The following ERC2 variants were observed in gnomAD, a reference collection of about 807,000 sequenced individuals.
ERC2 encodes ELKS/RAB6-interacting/CAST family member 2.
Under a neutral mutation model 114.8 loss-of-function variants are expected in ERC2, and 42 were observed. That is an observed-to-expected ratio of 0.37 (90% CI 0.29 to 0.47). The LOEUF is 0.47. Ranked by LOEUF, ERC2 falls within the 20% of genes least tolerant of loss-of-function variation. The pLI is 0.99. For missense variants in ERC2, 939 were observed against 1,150.7 expected (o/e 0.82, Z 2.66); for synonymous variants, 454 against 425.5 (o/e 1.07, Z -0.82).
chr3:55,745,200 T>C (rs769713146), intron 14 of ERC2, among the ~76,000 whole-genome samples: 3 of 151,888 alleles, frequency 2.0e-5, no homozygotes, highest in Non-Finnish European at 4.4e-5. Context: ...CACAGAAGAG[T>C]TGCATCCCAG....
At chr3:56,181,082 T>C (rs1244233458) in intron 3 of ERC2, among the ~76,000 whole-genome samples, 2 of 152,234 alleles carry the variant, frequency 1.3e-5, no homozygotes, top group African/African-American at 2.4e-5. Flanking sequence ...AATATTTATG[T>C]TTTCAAACTT....
At chr3:56,308,959 C>T (rs867974187) in intron 2 of ERC2, among the ~76,000 whole-genome samples, 1 of 152,132 alleles carries the variant, frequency 6.6e-6, no homozygotes, top group East Asian at 1.9e-4. Context: ...ATGTGAAGGG[C>T]AGGTTCTCTG....
intron 15 of ERC2, among the ~76,000 whole-genome samples, chr3:55,715,289 A>G (rs1396311570): frequency 1.3e-5 from 2 of 152,150 alleles, no homozygotes; most frequent in Non-Finnish European, 2.9e-5. Flanking sequence ...CCTCGGCTGG[A>G]TCAAGTCACT....
chr3:56,374,160 G>T (rs371039527), intron 2 of ERC2, among the ~76,000 whole-genome samples: 1 of 152,164 alleles, frequency 6.6e-6, no homozygotes, highest in Admixed American at 6.5e-5. Context: ...GCAGAGGCGA[G>T]ATCTCAGCTC....
intron 17 of ERC2, chr3:55,606,942 C>T (rs1315583490): frequency 6.6e-6 from 1 of 152,408 alleles, no homozygotes; most frequent in African/African-American, 2.4e-5. Context: ...GCTGTGCCTA[C>T]GTGCCTCCGA....
intron 13 of ERC2, among the ~76,000 whole-genome samples, chr3:55,950,128 T>C (rs1196203768): frequency 1.3e-5 from 2 of 152,254 alleles, no homozygotes; most frequent in South Asian, 2.1e-4. Context: ...GACATTTCTA[T>C]GTTTTAAGTT....
intron 2 of ERC2, among the ~76,000 whole-genome samples, chr3:56,406,839 G>C (rs1477954807): frequency 6.6e-6 from 1 of 152,192 alleles, no homozygotes; most frequent in Non-Finnish European, 1.5e-5. Context: ...AGATTAATTA[G>C]AAGTCAGAAA....
At chr3:55,834,424 T>C (rs1229426439) in intron 14 of ERC2, among the ~76,000 whole-genome samples, 4 of 152,070 alleles carry the variant, frequency 2.6e-5, no homozygotes, top group Non-Finnish European at 4.4e-5. Flanking sequence ...CAGACCACAG[T>C]GCAATCAAAC....
chr3:55,510,615 T>A lies in ERC2; in HGVS notation c.*701A>T, dbSNP rs2052010040. On this transcript the variant is annotated 3_prime_UTR_variant, in exon 18 of 18. Transcript: ENST00000288221. ...AAGCATTAGTGGTTTAAAAAATTGATTTCTTTTCCAACCTGGCCCAGAGGT... is the reference window on the plus strand; with the variant it reads ...AAGCATTAGTGGTTTAAAAAATTGAATTCTTTTCCAACCTGGCCCAGAGGT... 1 of 152,644 alleles carries A rather than the reference T, an allele frequency of 6.6e-6. No individual in the cohort carries two copies. The highest frequency in any genetic ancestry group is 1.5e-5 in the Non-Finnish European group (1 of 68,046). 9.5% of individuals were successfully genotyped at this position (152,644 alleles called of 1,614,324 possible).
rs1416077188 is a variant in ERC2 at position 56,088,234 on chromosome 3, C to T, written c.1474-7250G>A. On this transcript the variant is annotated intron_variant, in intron 6 of 17. Coordinates refer to ENST00000288221, the MANE Select transcript of ERC2 (RefSeq NM_015576.3). ...GTGAGAAACAGGTTCTCCCCCAAGT[C>T]CTCAATCCTTAAAACGGGTTGGACT... Among the ~76,000 whole-genome samples the T allele has an allele frequency of 1.3e-5, 2 of 152,240 alleles. 1 individual carries two copies. The highest frequency in any genetic ancestry group is 3.9e-4 in the East Asian group (2 of 5,184).
At chr3:55,815,185 A>C (rs1255236171) in intron 14 of ERC2, among the ~76,000 whole-genome samples, 2 of 150,490 alleles carry the variant, frequency 1.3e-5, no homozygotes, top group Admixed American at 1.3e-4. Flanking sequence ...CAAATATACC[A>C]AAGATGCCCA....
chr3:56,059,107 T>A (rs1276137349), intron 7 of ERC2, among the ~76,000 whole-genome samples: 1 of 151,926 alleles, frequency 6.6e-6, no homozygotes, highest in Non-Finnish European at 1.5e-5. Flanking sequence ...ATTTTTTTTT[T>A]TGGAAATGGA....
chr3:55,838,472 G>T (rs776597747), intron 14 of ERC2, among the ~76,000 whole-genome samples: 2 of 151,838 alleles, frequency 1.3e-5, no homozygotes, highest in Non-Finnish European at 1.5e-5. Flanking sequence ...GGCTAAAAAG[G>T]AAGTCACAAG....
intron 2 of ERC2, among the ~76,000 whole-genome samples, chr3:56,342,150 C>G (rs1423693075): frequency 6.6e-6 from 1 of 152,252 alleles, no homozygotes; most frequent in Non-Finnish European, 1.5e-5. Context: ...CAGTCTGAGG[C>G]TGGGAGTAAC....
intron 13 of ERC2, among the ~76,000 whole-genome samples, chr3:55,891,044 C>CA (rs2063573523): frequency 6.6e-6 from 1 of 152,192 alleles, no homozygotes; most frequent in Admixed American, 6.5e-5. Flanking sequence ...CCTTAGAAAG[C>CA]AAAAAATATC....
At chr3:55,702,528 G>A in intron 15 of ERC2, among the ~76,000 whole-genome samples, 1 of 150,578 alleles carries the variant, frequency 6.6e-6, no homozygotes, top group East Asian at 1.9e-4. Flanking sequence ...ATTTAAAATG[G>A]ATCTCTTTTA....
chr3:56,074,416 A>G (rs1411130070), intron 7 of ERC2, among the ~76,000 whole-genome samples: 5 of 152,180 alleles, frequency 3.3e-5, no homozygotes, highest in South Asian at 2.1e-4. Context: ...TTATTATAAA[A>G]ATAATTATTT....
In ERC2 at chr3:55,846,401, T is replaced by C. The variant is rs185866964; in HGVS notation, c.2564+41988A>G. 5.6e-3 allele frequency among the ~76,000 whole-genome samples: 849 copies of C among 152,346 alleles called. 9 individuals carry two copies. The highest frequency in any genetic ancestry group is 0.02 in the African/African-American group (813 of 41,574). On this transcript the variant is annotated intron_variant, in intron 14 of 17. Coordinates refer to ENST00000288221, the MANE Select transcript of ERC2 (RefSeq NM_015576.3). ...TTCTCTTTATCCAGTCTACCACTGA[T>C]GGGCATCTAGGTTGATTCCATGTCT...
intron 14 of ERC2, chr3:55,852,451 C>T (rs990091367): frequency 7.1e-5 from 11 of 154,596 alleles, no homozygotes; most frequent in Non-Finnish European, 1.0e-4. Context: ...AGAGGCACAA[C>T]AGCAAGTTCT....
Sources: allele counts gnomAD v4.1 joint callset (sites outside exome capture counted in the v4.1 genomes callset), GRCh38; gene constraint gnomAD v4.1.1; transcripts MANE v1.5; gene names NCBI Gene and HGNC (gene_info 2026-07-23, HGNC 2026-07-21).